ZNF765: variants seen among roughly 807,000 people sequenced by gnomAD.
ZNF765 encodes zinc finger protein 765.
ZNF765 carries 37 observed loss-of-function variants against 44.7 expected under a neutral mutation model. The observed-to-expected ratio is 0.83, with a 90% CI of 0.64 to 1.09. The LOEUF is 1.09. ZNF765 is among the 50% of genes least tolerant of loss of function. ZNF765 has a pLI of 0.00. For missense variants in ZNF765, 594 were observed against 626.1 expected, an observed-to-expected ratio of 0.95 and a Z score of 0.55; for synonymous variants, 201 against 213.7, an observed-to-expected ratio of 0.94 and a Z score of 0.52.
Position 53,409,920 on chromosome 19 carries a change from G to T in ZNF765, c.*793G>T. ...CATGGGCAGTCAGCATTTTACAAAT[G>T]TAATGATTGTCACCAAGTCTTGAGT... On this transcript the variant is annotated 3_prime_UTR_variant, in exon 4 of 4. Coordinates refer to ENST00000396408, the MANE Select transcript of ZNF765 (RefSeq NM_001040185.3). 2 of 615,550 alleles carry T rather than the reference G, an allele frequency of 3.2e-6. No homozygotes were observed. Among genetic ancestry groups the T allele is most frequent in the Non-Finnish European group, 6.3e-6 (2 of 316,684 alleles). 38.1% of individuals were successfully genotyped at this position (615,550 alleles called of 1,614,324 possible). A position where few individuals can be genotyped will look rare whatever the true frequency, so the allele number is the denominator to read the frequency against.
At chr19:53,400,783 T>TATATACATATATACAC (rs10664389) in intron 2 of ZNF765, among the ~76,000 whole-genome samples, 1 of 126,760 alleles carries the variant, frequency 7.9e-6, no homozygotes. Context: ...TATATATATA[T>TATATACATATATACAC]ACACACATAC....
Position 53,410,715 on chromosome 19 carries a change from A to C in ZNF765, c.*1588A>C. The C allele has an allele frequency of 4.6e-6, 2 of 438,714 alleles. No individual in the cohort carries two copies. The highest frequency in any genetic ancestry group is 3.5e-5 in the South Asian group (2 of 56,824). The allele number at this position is 438,714 out of a possible 1,614,324, so 27.2% of individuals were successfully genotyped here. A position where few individuals can be genotyped will look rare whatever the true frequency, so the allele number is the denominator to read the frequency against. ...GCAAATTTTTCAGACATTGTTCATA[A>C]CTTGCAGTTCATCGGCGAACTCGTA... On this transcript the variant is annotated 3_prime_UTR_variant, in exon 4 of 4. Coordinates refer to ENST00000396408, the MANE Select transcript of ZNF765 (RefSeq NM_001040185.3).
intron 1 of ZNF765, among the ~76,000 whole-genome samples, chr19:53,396,716 C>G (rs1397492464): frequency 6.6e-6 from 1 of 152,150 alleles, no homozygotes; most frequent in African/African-American, 2.4e-5. Context: ...ACTTGTTCTT[C>G]TTTTCTTTTT....
intron 2 of ZNF765, among the ~76,000 whole-genome samples, chr19:53,400,787 C>CACACAT (rs1555831220): frequency 5.6e-4 from 9 of 16,088 alleles, no homozygotes; most frequent in Non-Finnish European, 8.4e-4. Flanking sequence ...TATATATACA[C>CACACAT]ACATACATAA....
chr19:53,416,187 C>T (rs761956204), downstream of ZNF765, among the ~76,000 whole-genome samples: 1 of 152,148 alleles, frequency 6.6e-6, no homozygotes, highest in Non-Finnish European at 1.5e-5. Flanking sequence ...CTCCTGACCT[C>T]AAGTGATCCA....
rs2085824864 is a variant in ZNF765 at position 53,410,643 on chromosome 19, T to C, written c.*1516T>C. 3 of 482,324 alleles carry C rather than the reference T, an allele frequency of 6.2e-6. No individual in the cohort carries two copies. Among genetic ancestry groups the C allele is most frequent in the South Asian group, 1.6e-5 (1 of 62,906 alleles). The allele number at this position is 482,324 out of a possible 1,614,324, so 29.9% of individuals were successfully genotyped here. Reference sequence around the variant, plus strand: ...GTTACACTACAACCATTGCGAATCATTGGAGAATCCATAATGAAGAGAGAT... The same window carrying C: ...GTTACACTACAACCATTGCGAATCACTGGAGAATCCATAATGAAGAGAGAT... On this transcript the variant is annotated 3_prime_UTR_variant, in exon 4 of 4. Transcript: ENST00000396408.
intron 3 of ZNF765, 78 bp downstream of exon 3, chr19:53,402,269 T>C (rs1324787699): frequency 8.5e-6 from 10 of 1,173,724 alleles, no homozygotes; most frequent in Non-Finnish European, 1.2e-5. Context: ...TTTTTTTTTT[T>C]TTTTTGAGAT....
Position 53,408,363 on chromosome 19 carries a change from C to T in ZNF765, c.808C>T (p.Pro270Ser), listed in dbSNP as rs140922537. 1.4e-3 allele frequency: 2,264 copies of T among 1,614,180 alleles called. 28 individuals carry two copies. The African/African-American group carries it at 0.025, about 18-fold the overall frequency. ...RHRRCHTGEK[P>S]YKCNECGKTF... is the part of the protein sequence containing the mutation. ...TCGTAGATGTCACACTGGTGAGAAA[C>T]CTTACAAGTGTAATGAGTGTGGCAA... Residue 270 changes from proline to serine, a missense_variant, in exon 4 of 4, where the codon CCT (proline) becomes TCT (serine). Transcript: ENST00000396408.
At chr19:53,417,984 CCTCCAGGGATCAAGGAGAAGAAAGAAT>C (rs1349835468) in intron 3 of ZNF765, among the ~76,000 whole-genome samples, 1 of 152,178 alleles carries the variant, frequency 6.6e-6, no homozygotes, top group Non-Finnish European at 1.5e-5. Context: ...ACCCTCTCTG[CCTCCAGGGATCAAGGAGAAGAAAGAAT>C]CTCCCCAGAC....
chr19:53,395,938 C>G (rs1460411592), intron 1 of ZNF765, among the ~76,000 whole-genome samples: 1 of 151,232 alleles, frequency 6.6e-6, no homozygotes, highest in Non-Finnish European at 1.5e-5. Context: ...AAAAAAGACT[C>G]ATAACAGATG....
downstream of ZNF765, chr19:53,413,070 A>G (rs1371882293): frequency 8.6e-6 from 3 of 347,558 alleles, no homozygotes; most frequent in Non-Finnish European, 1.7e-5. Flanking sequence ...AGATGGCGCC[A>G]TTGCACTCCA....
Position 53,408,661 on chromosome 19 carries a change from A to G in ZNF765, c.1106A>G (p.His369Arg). 1.2e-6 allele frequency: 2 copies of G among 1,612,160 alleles called. No homozygotes were observed. Among genetic ancestry groups the G allele is most frequent in the Non-Finnish European group, 8.5e-7 (1 of 1,179,492 alleles). Reference protein sequence around the residue: ...ECGKTFSRKSHFTCHHRVHTG... With the variant: ...ECGKTFSRKSRFTCHHRVHTG... Reference sequence around the variant, plus strand: ...GGCAAGACCTTTAGTCGGAAGTCACATTTTACATGCCATCATAGAGTTCAT... The same window carrying G: ...GGCAAGACCTTTAGTCGGAAGTCACGTTTTACATGCCATCATAGAGTTCAT... The change falls in exon 4 of 4, where the codon CAT becomes CGT. Residue 369 changes from histidine (H) to arginine (R), a missense_variant. Around this residue, in one of 2 missense-constraint regions of ZNF765, gnomAD observed 567 missense variants for 572.6 expected, o/e 0.99. Coordinates refer to ENST00000396408, the MANE Select transcript of ZNF765 (RefSeq NM_001040185.3).
downstream of ZNF765, among the ~76,000 whole-genome samples, chr19:53,412,401 A>G (rs2085840967): frequency 1.3e-5 from 2 of 152,180 alleles, no homozygotes; most frequent in South Asian, 2.1e-4. Flanking sequence ...TCCTTTTTAC[A>G]TCCTCTTGAA....
rs2085815829 is a variant in ZNF765 at position 53,409,745 on chromosome 19, A to G, written c.*618A>G. 1.1e-6 allele frequency: 1 copy of G among 897,942 alleles called. No individual in the cohort carries two copies. Among genetic ancestry groups the G allele is most frequent in the East Asian group, 2.6e-5 (1 of 37,754 alleles). The allele number at this position is 897,942 out of a possible 1,614,324, so 55.6% of individuals were successfully genotyped here. On this transcript the variant is annotated 3_prime_UTR_variant, in exon 4 of 4. Transcript: ENST00000396408. Reference sequence around the variant, plus strand: ...GACCTTTAGTCAGAACTCATACCTTACATGCCATCATAGACTTCATACTGG... The same window carrying G: ...GACCTTTAGTCAGAACTCATACCTTGCATGCCATCATAGACTTCATACTGG...
chr19:53,417,257 A>G (rs1408358838), intron 3 of ZNF765, among the ~76,000 whole-genome samples: 4 of 152,072 alleles, frequency 2.6e-5, no homozygotes, highest in African/African-American at 9.7e-5. Context: ...CACTAATCAT[A>G]TTTCCTGATC....
In ZNF765 at chr19:53,411,618, C is replaced by T. The variant is rs1488290672; in HGVS notation, c.*2491C>T. 3.9e-5 allele frequency: 6 copies of T among 152,104 alleles called. No individual in the cohort carries two copies. The highest frequency in any genetic ancestry group is 1.2e-4 in the African/African-American group (5 of 41,390). The allele number at this position is 152,104 out of a possible 1,614,324, so 9.4% of individuals were successfully genotyped here. A position where few individuals can be genotyped will look rare whatever the true frequency, so the allele number is the denominator to read the frequency against. ...CAGTGATAAGGATTTTTATGGGTACCGTGTTGAATCTAAATCACATTGGGT... is the reference window on the plus strand; with the variant it reads ...CAGTGATAAGGATTTTTATGGGTACTGTGTTGAATCTAAATCACATTGGGT... On this transcript the variant is annotated 3_prime_UTR_variant, in exon 4 of 4. Transcript: ENST00000396408.
intron 3 of ZNF765, among the ~76,000 whole-genome samples, chr19:53,417,663 G>A (rs1271245870): frequency 2.6e-5 from 4 of 152,100 alleles, no homozygotes; most frequent in African/African-American, 7.2e-5. Flanking sequence ...TTGCTGGGTC[G>A]AAGGATATAT....
At chr19:53,405,165 A>T (rs2085762209) in intron 3 of ZNF765, among the ~76,000 whole-genome samples, 1 of 152,168 alleles carries the variant, frequency 6.6e-6, no homozygotes, top group African/African-American at 2.4e-5. Context: ...CAGCCTGGCC[A>T]ACATGTTGAA....
At position 53,408,260 on chromosome 19, in the gene ZNF765, A is replaced by T. The variant is rs2147097681; in HGVS notation, c.705A>T (p.Leu235Phe). 6.2e-7 allele frequency: 1 copy of T among 1,614,258 alleles called. No homozygotes were observed. The highest frequency in any genetic ancestry group is 2.2e-5 in the East Asian group (1 of 44,886). The change falls in exon 4 of 4, where the codon TTA becomes TTT. Residue 235 changes from leucine (L) to phenylalanine (F), a missense_variant. This residue lies in a region of ZNF765 where 567 missense variants were observed against 572.6 expected (regional missense o/e 0.99). Transcript: ENST00000396408. ...NCSSLLRKHQ[L>F]IHLGEKQYKC... ...GCTCACTCTTAAGGAAACATCAGTT[A>T]ATCCATTTAGGAGAGAAACAATATA...
Sources: gnomAD v4.1 joint callset for allele counts (sites outside exome capture counted in the v4.1 genomes callset) on GRCh38, gnomAD v4.1.1 for gene constraint, gnomAD v4.1.1 regional missense constraint, MANE v1.5 for transcripts, NCBI Gene and HGNC (gene_info 2026-07-23, HGNC 2026-07-21) for gene names.